TTPA: variants seen among roughly 807,000 people sequenced by gnomAD.
TTPA encodes the protein alpha tocopherol transfer protein.
In TTPA, 23 loss-of-function variants were observed where a neutral mutation model predicts 25.9. The ratio of observed to expected loss-of-function variants is 0.89; its 90% CI spans 0.64 to 1.26. The LOEUF (loss-of-function observed/expected upper bound fraction) is 1.26, where lower values mean the gene tolerates loss of function less well. TTPA is among the 50% of genes most tolerant of loss of function. The pLI, the probability that TTPA is intolerant of heterozygous loss-of-function variation, is 0.00. For synonymous variants in TTPA, 148 were observed against 137.3 expected, an observed-to-expected ratio of 1.08 and a Z score of -0.54; for missense variants, 337 against 353.1, an observed-to-expected ratio of 0.95 and a Z score of 0.37.
chr8:63,065,816 T>G, intron 3 of TTPA, 88 bp downstream of exon 3: 2 of 1,366,432 alleles, frequency 1.5e-6, no homozygotes, highest in East Asian at 4.9e-5. Context: ...CTAACAAATG[T>G]ACTTTTGCTT....
At chr8:63,083,626 A>G (rs1805698536) in intron 1 of TTPA, among the ~76,000 whole-genome samples, 3 of 136,310 alleles carry the variant, frequency 2.2e-5, no homozygotes, top group African/African-American at 8.3e-5. Context: ...CCTAAAACTT[A>G]AAGTATAATA....
rs968004354 is a variant in TTPA, at chr8:63,081,642, G to A, written c.204+4176C>T. Among the ~76,000 whole-genome samples the A allele has an allele frequency of 2.6e-5, 4 of 152,048 alleles. No individual in the cohort carries two copies. The South Asian group carries it at 6.2e-4, about 24-fold the overall frequency. On this transcript the variant is annotated intron_variant, in intron 1 of 4. Transcript: ENST00000260116. ...ACATAGTGTTGGAAATCCTGGCCAC[G>A]GCAATCAGGCAAGAGAAAGAAATAA...
intron 4 of TTPA, among the ~76,000 whole-genome samples, chr8:63,062,503 C>T (rs1344063438): frequency 6.6e-6 from 1 of 152,022 alleles, no homozygotes; most frequent in Admixed American, 6.6e-5. Flanking sequence ...ACTCACAAAG[C>T]CAATCTTTAA....
intron 2 of TTPA, among the ~76,000 whole-genome samples, chr8:63,068,194 T>A (rs1805426842): frequency 6.6e-6 from 1 of 152,176 alleles, no homozygotes. Context: ...ACAGGGATTG[T>A]CTCAGAGCTA....
Position 63,059,849 on chromosome 8 carries a change from G to T in TTPA, c.*1403C>A, listed in dbSNP as rs1293429055. On this transcript the variant is annotated 3_prime_UTR_variant, in exon 5 of 5. Transcript: ENST00000260116. ...CACAGGAAGGGGAACATCACACACC[G>T]GGGCCTATTTATTTATTTTTGAAAT... 1 of 151,324 alleles carries T rather than the reference G, an allele frequency of 6.6e-6. No individual in the cohort carries two copies. Among genetic ancestry groups the T allele is most frequent in the Non-Finnish European group, 1.5e-5 (1 of 67,874 alleles). The allele number at this position is 151,324 out of a possible 1,614,324, so 9.4% of individuals were successfully genotyped here. A position where few individuals can be genotyped will look rare whatever the true frequency, so the allele number is the denominator to read the frequency against.
chr8:63,066,911 A>C (rs1805399684), intron 2 of TTPA, among the ~76,000 whole-genome samples: 1 of 152,172 alleles, frequency 6.6e-6, no homozygotes, highest in Admixed American at 6.5e-5. Context: ...GACACTAAAA[A>C]ACATAATAGA....
At chr8:63,067,737 T>C (rs886335232) in intron 2 of TTPA, among the ~76,000 whole-genome samples, 8 of 152,194 alleles carry the variant, frequency 5.3e-5, no homozygotes, top group African/African-American at 1.4e-4. Flanking sequence ...CAGTACCCAA[T>C]AGGAAGTTTT....
chr8:63,084,186 G>A (rs1314274271), intron 1 of TTPA, among the ~76,000 whole-genome samples: 1 of 152,074 alleles, frequency 6.6e-6, no homozygotes, highest in Non-Finnish European at 1.5e-5. Flanking sequence ...GCGACCTTTG[G>A]AAGGCACTGA....
intron 1 of TTPA, among the ~76,000 whole-genome samples, chr8:63,079,877 G>C (rs1338035479): frequency 6.6e-6 from 1 of 152,132 alleles, no homozygotes; most frequent in African/African-American, 2.4e-5. Context: ...ATTCTTCTCA[G>C]CACCACATCA....
intron 1 of TTPA, among the ~76,000 whole-genome samples, chr8:63,081,972 C>G (rs967554711): frequency 6.6e-6 from 1 of 152,186 alleles, no homozygotes; most frequent in Non-Finnish European, 1.5e-5. Context: ...CTACAAACCA[C>G]TGCTCAACAA....
Position 63,085,899 on chromosome 8 carries a change from C to T in TTPA, c.123G>A (p.Pro41=), listed in dbSNP as rs1368032681. The stretch of plus-strand genomic sequence containing the variant: ...AGTCGGTGAGCGGCAGCGGCGCGAG[C>T]GGGACGCCAGCTTCCCGGGCCCGGC... ...LRRRAREAGV[P]LAPLPLTDSF... is the part of the protein sequence containing the mutation. The change falls in exon 1 of 5, where the codon CCG becomes CCA. Residue 41 remains proline, a synonymous_variant. Coordinates refer to ENST00000260116, the MANE Select transcript of TTPA (RefSeq NM_000370.3). The T allele has an allele frequency of 5.2e-6, 8 of 1,529,484 alleles. No individual in the cohort carries two copies. The highest frequency in any genetic ancestry group is 2.5e-5 in the East Asian group (1 of 40,146). 94.7% of individuals were successfully genotyped at this position (1,529,484 alleles called of 1,614,324 possible). A position where few individuals can be genotyped will look rare whatever the true frequency, so the allele number is the denominator to read the frequency against.
intron 1 of TTPA, among the ~76,000 whole-genome samples, chr8:63,073,344 A>G (rs929595907): frequency 2.6e-5 from 4 of 152,082 alleles, no homozygotes; most frequent in African/African-American, 9.7e-5. Flanking sequence ...ACAGCCACCA[A>G]TTCCTCCCCT....
chr8:63,070,490 A>C (rs1805466491), intron 2 of TTPA, among the ~76,000 whole-genome samples: 1 of 152,172 alleles, frequency 6.6e-6, no homozygotes, highest in African/African-American at 2.4e-5. Flanking sequence ...TTTACTCATA[A>C]AACTTTCTGA....
intron 1 of TTPA, among the ~76,000 whole-genome samples, chr8:63,074,011 T>C (rs916831139): frequency 3.9e-5 from 6 of 152,172 alleles, no homozygotes; most frequent in African/African-American, 1.4e-4. Context: ...TATATTTATA[T>C]TTTAATTTTA....
chr8:63,074,337 T>C (rs1376731195), intron 1 of TTPA, among the ~76,000 whole-genome samples: 1 of 152,158 alleles, frequency 6.6e-6, no homozygotes, highest in Non-Finnish European at 1.5e-5. Context: ...GACAGTGCCA[T>C]CTGCATTGCT....
chr8:63,079,392 TG>T (rs1260197449), intron 1 of TTPA, among the ~76,000 whole-genome samples: 50 of 152,024 alleles, frequency 3.3e-4, no homozygotes, highest in African/African-American at 1.1e-3. Context: ...AGTGGCAAAT[TG>T]AATAAAGAGT....
At chr8:63,065,690 T>C (rs1805378041) in intron 3 of TTPA, among the ~76,000 whole-genome samples, 1 of 152,198 alleles carries the variant, frequency 6.6e-6, no homozygotes, top group African/African-American at 2.4e-5. Flanking sequence ...CGTTACTAAT[T>C]TGAACATATT....
At chr8:63,067,158 A>C (rs1382523416) in intron 2 of TTPA, among the ~76,000 whole-genome samples, 1 of 152,188 alleles carries the variant, frequency 6.6e-6, no homozygotes, top group Non-Finnish European at 1.5e-5. Flanking sequence ...AAAAGACTCC[A>C]TTGAGATATT....
intron 1 of TTPA, among the ~76,000 whole-genome samples, chr8:63,075,252 G>A (rs1045144805): frequency 6.6e-6 from 1 of 152,142 alleles, no homozygotes; most frequent in Non-Finnish European, 1.5e-5. Context: ...AATGTTATGG[G>A]TTAACTATGT....
Sources: allele counts gnomAD v4.1 joint callset (sites outside exome capture counted in the v4.1 genomes callset), GRCh38; gene constraint gnomAD v4.1.1; transcripts MANE v1.5; gene names NCBI Gene and HGNC (gene_info 2026-07-23, HGNC 2026-07-21).